The following PDE6A variants were observed in gnomAD, a reference collection of about 807,000 sequenced individuals.
PDE6A encodes phosphodiesterase 6A, also known as rod cGMP-specific 3',5'-cyclic phosphodiesterase subunit alpha.
Under a neutral mutation model 106.3 loss-of-function variants are expected in PDE6A, and 84 were observed. That is an observed-to-expected ratio of 0.79 (90% confidence interval 0.66 to 0.95). PDE6A has a LOEUF of 0.95. PDE6A is among the 40% of genes least tolerant of loss of function. The pLI, the probability that PDE6A is intolerant of heterozygous loss-of-function variation, is 0.00. For missense variants in PDE6A, 1,052 were observed against 1,084.9 expected, an observed-to-expected ratio of 0.97 and a Z score of 0.43; for synonymous variants, 394 against 386.6, an observed-to-expected ratio of 1.02 and a Z score of -0.23.
At chr5:149,871,810 T>C (rs150855974) in intron 17 of PDE6A, among the ~76,000 whole-genome samples, 11 of 152,208 alleles carry the variant, frequency 7.2e-5, no homozygotes, top group African/African-American at 2.4e-4. Context: ...GACAGGAGCG[T>C]ACACAGGGAA....
chr5:149,917,614 C>T (rs1205736691), intron 5 of PDE6A, among the ~76,000 whole-genome samples: 1 of 152,178 alleles, frequency 6.6e-6, no homozygotes, highest in African/African-American at 2.4e-5. Context: ...TCCAATGGCA[C>T]AGGCTACCCC....
chr5:149,879,851 G>C lies in PDE6A; in HGVS notation c.2135+3578C>G, dbSNP rs563900111. Among the ~76,000 whole-genome samples, 47 of 151,504 alleles carry C rather than the reference G, an allele frequency of 3.1e-4. 1 individual carries two copies. The highest frequency in any genetic ancestry group is 6.3e-4 in the Non-Finnish European group (43 of 67,924). ...TTTTCGTGCTCTCTTTTCTTTCCCT[G>C]GTTATTTAAAAATTTTTATTACATC... On this transcript the variant is annotated intron_variant, in intron 17 of 21. Coordinates refer to ENST00000255266, the MANE Select transcript of PDE6A (RefSeq NM_000440.3).
At chr5:149,876,250 T>A (rs1013481831) in intron 17 of PDE6A, among the ~76,000 whole-genome samples, 42 of 150,704 alleles carry the variant, frequency 2.8e-4, no homozygotes, top group African/African-American at 1.0e-3. Context: ...CTATTAACAA[T>A]ATAGGGTGGA....
At chr5:149,938,596 G>A (rs1041320208) in intron 1 of PDE6A, among the ~76,000 whole-genome samples, 5 of 152,192 alleles carry the variant, frequency 3.3e-5, no homozygotes, top group African/African-American at 1.2e-4. Context: ...AAGGGCAAAG[G>A]AATGATATAC....
chr5:149,922,325 T>C (rs1349531702), intron 4 of PDE6A, among the ~76,000 whole-genome samples: 1 of 151,648 alleles, frequency 6.6e-6, no homozygotes, highest in East Asian at 1.9e-4. Flanking sequence ...ATTATTATTA[T>C]TTTGGAGACA....
At chr5:149,903,779 C>T (rs1753077226) in intron 7 of PDE6A, 84 bp from the exon 8 acceptor site, 6 of 995,468 alleles carry the variant, frequency 6.0e-6, no homozygotes, top group Non-Finnish European at 9.8e-6. Flanking sequence ...TTTTCAGAAA[C>T]ACCATGTTCT....
chr5:149,939,345 AC>A (rs1265816738), intron 1 of PDE6A, among the ~76,000 whole-genome samples: 1 of 152,138 alleles, frequency 6.6e-6, no homozygotes. Flanking sequence ...TCAGAAAAAC[AC>A]CCTGAATCCT....
chr5:149,892,386 G>A (rs1752576890), intron 13 of PDE6A, among the ~76,000 whole-genome samples: 1 of 152,046 alleles, frequency 6.6e-6, no homozygotes, highest in African/African-American at 2.4e-5. Flanking sequence ...GACTTTTCTG[G>A]AAGCACTGTC....
chr5:149,929,944 G>A (rs1753983329), intron 4 of PDE6A, among the ~76,000 whole-genome samples: 3 of 151,592 alleles, frequency 2.0e-5, no homozygotes, highest in Admixed American at 2.0e-4. Context: ...TTTATTTTTT[G>A]TAGAGACAGG....
intron 4 of PDE6A, among the ~76,000 whole-genome samples, chr5:149,929,500 G>T (rs1009842268): frequency 6.6e-6 from 1 of 152,048 alleles, no homozygotes; most frequent in Non-Finnish European, 1.5e-5. Flanking sequence ...CCAGCTACTC[G>T]GGAGACTGAG....
intron 6 of PDE6A, 96 bp from the exon 7 acceptor site, chr5:149,907,474 G>A: frequency 1.0e-6 from 1 of 959,200 alleles, no homozygotes; most frequent in Non-Finnish European, 1.7e-6. Flanking sequence ...GCTCTCAGGT[G>A]GCTCTCAGCA....
At chr5:149,878,842 A>G (rs2113536985) in intron 17 of PDE6A, among the ~76,000 whole-genome samples, 1 of 152,250 alleles carries the variant, frequency 6.6e-6, no homozygotes, top group Admixed American at 6.5e-5. Flanking sequence ...TTTTCCTGGA[A>G]TCATATTAAC....
chr5:149,860,955 C>A lies in PDE6A; in HGVS notation c.2523G>T (p.Gln841His). ...QSAKSAAAGN[Q>H]PGGNPSPGGA... ...CCCCTGGGCTGGGGTTTCCCCCCGG[C>A]TGATTTCCTGCGGCTGCTGCAATGA... is the stretch of plus-strand genomic sequence containing the variant. The change falls in exon 22 of 22, where the codon CAG (glutamine) becomes CAT (histidine). Residue 841 changes from glutamine (Q) to histidine (H), a missense_variant. This residue lies in a region of PDE6A where 135 missense variants were observed against 153.2 expected (regional missense o/e 0.88). Coordinates refer to ENST00000255266, the MANE Select transcript of PDE6A (RefSeq NM_000440.3). The A allele has an allele frequency of 6.2e-7, 1 of 1,614,158 alleles. No homozygotes were observed. The highest frequency in any genetic ancestry group is 1.1e-5 in the South Asian group (1 of 91,068).
rs886060212 is a variant in PDE6A at position 149,859,957 on chromosome 5, T to G, written c.*938A>C. On this transcript the variant is annotated 3_prime_UTR_variant, in exon 22 of 22. Transcript: ENST00000255266. ...TCTCGCTCGGTCGCCCAAGCTGGAG[T>G]GCAGTAGCATGATCTCAGCTCACTG... 2 of 152,262 alleles carry G rather than the reference T, an allele frequency of 1.3e-5. No homozygotes were observed. Among genetic ancestry groups the G allele is most frequent in the Non-Finnish European group, 2.9e-5 (2 of 68,092 alleles). The allele number at this position is 152,262 out of a possible 1,614,324, so 9.4% of individuals were successfully genotyped here. A position where few individuals can be genotyped will look rare whatever the true frequency, so the allele number is the denominator to read the frequency against.
rs2113616211 is a variant in PDE6A, at chr5:149,907,330, A to G, written c.1047T>C (p.Tyr349=). ...TACTTACCAGGCCATTCTGGGCAAC[A>G]TAAGCTGGGAGACCGCTTACTAAAG... The part of the protein sequence containing the change: ...HWALVSGLPA[Y]VAQNGLICNI... Residue 349 remains tyrosine (Y), a synonymous_variant, in exon 7 of 22, where the codon TAT becomes TAC. Transcript: ENST00000255266. The G allele has an allele frequency of 6.2e-7, 1 of 1,613,922 alleles. No individual in the cohort carries two copies. The highest frequency in any genetic ancestry group is 8.5e-7 in the Non-Finnish European group (1 of 1,179,788).
Position 149,932,331 on chromosome 5 carries a change from G to T in PDE6A, c.718-1163C>A, listed in dbSNP as rs61744619. 1.3e-3 allele frequency: 1,865 copies of T among 1,429,058 alleles called. 19 individuals carry two copies. The African/African-American group carries it at 0.023, about 18-fold the overall frequency. The allele number at this position is 1,429,058 out of a possible 1,614,324, so 88.5% of individuals were successfully genotyped here. A position where few individuals can be genotyped will look rare whatever the true frequency, so the allele number is the denominator to read the frequency against. Reference sequence around the variant, plus strand: ...TGCACGGATTTCTTCATTTTGAGGGGTTGTAGGAGGTCTTTCTAAATCCAG... The same window carrying T: ...TGCACGGATTTCTTCATTTTGAGGGTTTGTAGGAGGTCTTTCTAAATCCAG... On this transcript the variant is annotated intron_variant, in intron 3 of 21. Transcript: ENST00000255266.
At chr5:149,931,974 T>A in intron 3 of PDE6A, 1 of 1,276,846 alleles carries the variant, frequency 7.8e-7, no homozygotes, top group Admixed American at 1.7e-5. Flanking sequence ...TATTTCCAGC[T>A]GTTGAGATAA....
At position 149,858,835 on chromosome 5, in the gene PDE6A, T is replaced by TTTTTTTTTTTTTTTTTTTTTTTTTTTG. The variant is rs1760027539; in HGVS notation, c.*2059_*2060insCAAAAAAAAAAAAAAAAAAAAAAAAAA. 2 of 144,540 alleles carry TTTTTTTTTTTTTTTTTTTTTTTTTTTG rather than the reference T, an allele frequency of 1.4e-5. No individual in the cohort carries two copies. Among genetic ancestry groups the TTTTTTTTTTTTTTTTTTTTTTTTTTTG allele is most frequent in the African/African-American group, 5.2e-5 (2 of 38,704 alleles). 9.0% of individuals were successfully genotyped at this position (144,540 alleles called of 1,614,324 possible). ...CCACATCTTTTTTTTTTCTTTTTTT[T>TTTTTTTTTTTTTTTTTTTTTTTTTTTG]TTTTTTGAGACGGAGTCTTGCTCTT... On this transcript the variant is annotated 3_prime_UTR_variant, in exon 22 of 22. Coordinates refer to ENST00000255266, the MANE Select transcript of PDE6A (RefSeq NM_000440.3).
Position 149,934,729 on chromosome 5 carries a change from G to A in PDE6A, c.475-11C>T. 1 of 1,613,380 alleles carries A rather than the reference G, an allele frequency of 6.2e-7. No individual in the cohort carries two copies. Among genetic ancestry groups the A allele is most frequent in the Non-Finnish European group, 8.5e-7 (1 of 1,179,986 alleles). On this transcript the variant is annotated splice_polypyrimidine_tract_variant and intron_variant, in intron 1 of 21. Transcript: ENST00000255266. ...ACAGAAATGCTCATCCTAAAGGAAG[G>A]CAGAGATAAGCACGGACAGGCAAAT...
Sources: allele counts gnomAD v4.1 joint callset (sites outside exome capture counted in the v4.1 genomes callset), GRCh38; gene constraint gnomAD v4.1.1; regional missense constraint gnomAD v4.1.1; transcripts MANE v1.5; gene names NCBI Gene and HGNC (gene_info 2026-07-23, HGNC 2026-07-21).